NRG3: variants seen among roughly 807,000 people sequenced by gnomAD.
NRG3 encodes the protein pro-neuregulin-3, membrane-bound isoform.
Under a neutral mutation model 66.9 loss-of-function variants are expected in NRG3, and 31 were observed. The observed-to-expected ratio is 0.46, with a 90% CI of 0.35 to 0.63. The LOEUF is 0.63. Ranked by LOEUF, NRG3 falls within the 20% of genes least tolerant of loss-of-function variation. The pLI, the probability that NRG3 is intolerant of heterozygous loss-of-function variation, is 0.00. For missense variants in NRG3, 910 were observed against 878.9 expected (o/e 1.04, Z -0.45); for synonymous variants, 393 against 359.4 (o/e 1.09, Z -1.06).
intron 2 of NRG3, among the ~76,000 whole-genome samples, chr10:82,404,812 C>A (rs2087378607): frequency 6.6e-6 from 1 of 152,038 alleles, no homozygotes; most frequent in South Asian, 2.1e-4. Flanking sequence ...CCCATTTTTG[C>A]ATTAAATGCC....
intron 2 of NRG3, among the ~76,000 whole-genome samples, chr10:82,735,450 A>G (rs2058106563): frequency 6.6e-6 from 1 of 152,234 alleles, no homozygotes. Flanking sequence ...ATAATGACAC[A>G]TGCACAAGTG....
At chr10:82,308,404 A>G (rs1372256988) in intron 1 of NRG3, among the ~76,000 whole-genome samples, 1 of 151,980 alleles carries the variant, frequency 6.6e-6, no homozygotes, top group Non-Finnish European at 1.5e-5. Flanking sequence ...GCCATTTTTG[A>G]TGGGGCTCTC....
Position 82,053,133 on chromosome 10 carries a change from ATT to A in NRG3, c.823+176980_823+176981del, listed in dbSNP as rs34402920. Among the ~76,000 whole-genome samples the A allele has an allele frequency of 1.7e-3, 250 of 149,206 alleles. 2 individuals are homozygous for A. Among genetic ancestry groups the A allele is most frequent in the African/African-American group, 5.8e-3 (236 of 40,860 alleles). Reference sequence around the variant, plus strand: ...ATGTATTCATGTATTTCATTTGATTATTTTTTTTTTTAACATTTCAGTGTTCC... The same window carrying A: ...ATGTATTCATGTATTTCATTTGATTATTTTTTTTTAACATTTCAGTGTTCC... On this transcript the variant is annotated intron_variant, in intron 1 of 8. Transcript: ENST00000372141.
intron 2 of NRG3, among the ~76,000 whole-genome samples, chr10:82,603,497 A>T (rs1021807693): frequency 4.6e-5 from 7 of 152,080 alleles, no homozygotes; most frequent in Admixed American, 4.6e-4. Flanking sequence ...CATGTGGTCA[A>T]CTCTAACTGT....
intron 2 of NRG3, among the ~76,000 whole-genome samples, chr10:82,403,726 C>T (rs2087289088): frequency 6.6e-6 from 1 of 152,090 alleles, no homozygotes; most frequent in South Asian, 2.1e-4. Flanking sequence ...CGAGTGCTTG[C>T]TTTTGCTTAT....
intron 1 of NRG3, among the ~76,000 whole-genome samples, chr10:82,056,536 C>T (rs34357305): frequency 0.25 from 37,334 of 151,970 alleles, 4,713 homozygotes; most frequent in Middle Eastern, 0.33. Context: ...TTGGAAGGAT[C>T]GTCAAACTTG....
At chr10:82,892,320 G>A (rs1843227457) in intron 4 of NRG3, among the ~76,000 whole-genome samples, 1 of 152,086 alleles carries the variant, frequency 6.6e-6, no homozygotes, top group Admixed American at 6.6e-5. Flanking sequence ...AGAGGCAAGA[G>A]GAAACAACAG....
intron 2 of NRG3, among the ~76,000 whole-genome samples, chr10:82,422,965 T>G (rs2089186290): frequency 6.6e-6 from 1 of 151,964 alleles, no homozygotes; most frequent in African/African-American, 2.4e-5. Context: ...AAATACATTT[T>G]CCTTTCTGTT....
chr10:82,645,428 C>T (rs2050863050), intron 2 of NRG3, among the ~76,000 whole-genome samples: 1 of 152,150 alleles, frequency 6.6e-6, no homozygotes, highest in African/African-American at 2.4e-5. Flanking sequence ...TAGAATTGCC[C>T]CACCCATATG....
At chr10:82,012,354 A>AT (rs1215490398) in intron 1 of NRG3, among the ~76,000 whole-genome samples, 2 of 151,990 alleles carry the variant, frequency 1.3e-5, no homozygotes, top group East Asian at 3.9e-4. Context: ...CCATGAAACC[A>AT]TTTTTTCTGC....
At chr10:82,108,027 A>G (rs1008481463) in intron 1 of NRG3, among the ~76,000 whole-genome samples, 1 of 152,204 alleles carries the variant, frequency 6.6e-6, no homozygotes, top group African/African-American at 2.4e-5. Flanking sequence ...TGCTCTTTAG[A>G]GATCTTTTCT....
At chr10:82,723,011 C>G (rs2057395869) in intron 2 of NRG3, among the ~76,000 whole-genome samples, 1 of 152,096 alleles carries the variant, frequency 6.6e-6, no homozygotes, top group Non-Finnish European at 1.5e-5. Context: ...ACCAAAAGAC[C>G]CATGCACTTG....
At chr10:82,040,823 A>G (rs1589872650) in intron 1 of NRG3, among the ~76,000 whole-genome samples, 2 of 152,080 alleles carry the variant, frequency 1.3e-5, no homozygotes, top group East Asian at 1.9e-4. Flanking sequence ...GCCCCAGTAT[A>G]TGTCAGCATT....
chr10:82,575,015 G>A (rs2045950650), intron 2 of NRG3, among the ~76,000 whole-genome samples: 1 of 151,670 alleles, frequency 6.6e-6, no homozygotes, highest in Admixed American at 6.6e-5. Flanking sequence ...GTGCAACAGG[G>A]TGCCTATAGC....
At chr10:82,321,794 A>C (rs909334334) in intron 1 of NRG3, among the ~76,000 whole-genome samples, 4 of 152,220 alleles carry the variant, frequency 2.6e-5, no homozygotes, top group Non-Finnish European at 5.9e-5. Flanking sequence ...AGAGATGTGT[A>C]TATTTCCTGA....
chr10:82,294,067 A>G lies in NRG3; in HGVS notation c.824-64672A>G, dbSNP rs187655126. 7.2e-5 allele frequency among the ~76,000 whole-genome samples: 11 copies of G among 152,194 alleles called. No individual in the cohort carries two copies. The East Asian group carries it at 1.9e-3, about 27-fold the overall frequency. ...CGCTTGTCCTCTCACCAAGGATGAGAAGTATCCCATCCTATGCTCTCCCTC... is the reference window on the plus strand; with the variant it reads ...CGCTTGTCCTCTCACCAAGGATGAGGAGTATCCCATCCTATGCTCTCCCTC... On this transcript the variant is annotated intron_variant, in intron 1 of 8. Transcript: ENST00000372141.
intron 1 of NRG3, among the ~76,000 whole-genome samples, chr10:82,163,900 AG>A (rs527891562): frequency 4.2e-4 from 63 of 151,288 alleles, no homozygotes; most frequent in African/African-American, 1.5e-3. Context: ...TAGGGTCTAT[AG>A]GTTTTTGTTT....
At chr10:81,956,231 C>G (rs1371653196) in intron 1 of NRG3, among the ~76,000 whole-genome samples, 1 of 152,070 alleles carries the variant, frequency 6.6e-6, no homozygotes, top group East Asian at 1.9e-4. Context: ...TCCCTCTGGC[C>G]CTCTTAGGAG....
intron 2 of NRG3, among the ~76,000 whole-genome samples, chr10:82,503,588 G>C (rs1844400796): frequency 6.6e-6 from 1 of 152,184 alleles, no homozygotes. Context: ...TATGACAGTA[G>C]ATCTCACGGG....
Sources: gnomAD v4.1 joint callset for allele counts (sites outside exome capture counted in the v4.1 genomes callset) on GRCh38, gnomAD v4.1.1 for gene constraint, MANE v1.5 for transcripts, NCBI Gene and HGNC (gene_info 2026-07-23, HGNC 2026-07-21) for gene names.